WDR41: variants seen among roughly 807,000 people sequenced by gnomAD.
WDR41 encodes WD repeat domain 41.
Under a neutral mutation model 69.3 loss-of-function variants are expected in WDR41, and 63 were observed. That is an observed-to-expected ratio of 0.91 (90% CI 0.74 to 1.12). The LOEUF (loss-of-function observed/expected upper bound fraction) is 1.12. Among genes scored for constraint, WDR41 ranks in the 50% most tolerant of loss-of-function variants. The probability of loss-of-function intolerance (pLI) is 0.00; values close to 1 mark genes in which losing one functional copy is unlikely to be tolerated. For synonymous variants in WDR41, 185 were observed against 192.1 expected (o/e 0.96, Z 0.31); for missense variants, 543 against 534.5 (o/e 1.02, Z -0.16).
chr5:77,535,362 G>A (rs1333701331), intron 1 of WDR41, among the ~76,000 whole-genome samples: 7 of 152,234 alleles, frequency 4.6e-5, no homozygotes, highest in Non-Finnish European at 8.8e-5. Flanking sequence ...CATAAACACC[G>A]AGGTTTAGAA....
intron 2 of WDR41, among the ~76,000 whole-genome samples, chr5:77,485,991 A>C (rs911621821): frequency 1.3e-5 from 2 of 152,234 alleles, no homozygotes; most frequent in African/African-American, 4.8e-5. Context: ...TAAGAAACAA[A>C]AAAAGGATAA....
At chr5:77,480,392 C>G (rs374178697) in intron 2 of WDR41, among the ~76,000 whole-genome samples, 1 of 152,074 alleles carries the variant, frequency 6.6e-6, no homozygotes, top group Non-Finnish European at 1.5e-5. Flanking sequence ...TATTGCGGCA[C>G]TATTCACAAT....
intron 1 of WDR41, among the ~76,000 whole-genome samples, chr5:77,519,823 G>C (rs1802346677): frequency 6.6e-6 from 1 of 150,668 alleles, no homozygotes; most frequent in African/African-American, 2.4e-5. Context: ...ACACAGGAAG[G>C]CTACTAGATT....
chr5:77,459,725 A>C (rs1335369623), intron 4 of WDR41, among the ~76,000 whole-genome samples: 3 of 152,236 alleles, frequency 2.0e-5, no homozygotes, highest in Non-Finnish European at 4.4e-5. Flanking sequence ...CATGTCTGAA[A>C]ACACATTTAC....
intron 2 of WDR41, among the ~76,000 whole-genome samples, chr5:77,468,038 C>A (rs1800381564): frequency 6.6e-6 from 1 of 151,066 alleles, no homozygotes; most frequent in Admixed American, 6.6e-5. Context: ...AAAAAAAACC[C>A]AAGTTGTTAA....
chr5:77,568,028 G>A (rs1304116393), intron 1 of WDR41, among the ~76,000 whole-genome samples: 1 of 151,818 alleles, frequency 6.6e-6, no homozygotes, highest in Non-Finnish European at 1.5e-5. Context: ...CAGCTGAGTT[G>A]AGTCTATATC....
chr5:77,583,774 C>T (rs1374592277), intron 1 of WDR41, among the ~76,000 whole-genome samples: 1 of 152,064 alleles, frequency 6.6e-6, no homozygotes, highest in Non-Finnish European at 1.5e-5. Context: ...GCAAGTATTA[C>T]TCTGATACCA....
chr5:77,519,481 C>T (rs1247716465), intron 1 of WDR41, among the ~76,000 whole-genome samples: 3 of 151,568 alleles, frequency 2.0e-5, no homozygotes, highest in Non-Finnish European at 2.9e-5. Flanking sequence ...TTAATCTACC[C>T]ACTGCTCTAG....
At chr5:77,561,694 G>A (rs1314813855) in intron 1 of WDR41, among the ~76,000 whole-genome samples, 1 of 151,942 alleles carries the variant, frequency 6.6e-6, no homozygotes, top group Non-Finnish European at 1.5e-5. Context: ...GCTAAACTGG[G>A]CAGTTTACAA....
intron 1 of WDR41, among the ~76,000 whole-genome samples, chr5:77,573,981 T>C (rs567841550): frequency 1.6e-4 from 24 of 152,246 alleles, no homozygotes; most frequent in African/African-American, 5.8e-4. Flanking sequence ...GGTAAGAGAC[T>C]TTTTACAACA....
intron 2 of WDR41, among the ~76,000 whole-genome samples, chr5:77,480,918 C>A (rs1318996908): frequency 2.0e-5 from 3 of 151,890 alleles, no homozygotes; most frequent in African/African-American, 7.3e-5. Context: ...CTCAAGTTTC[C>A]ATGGAGGACT....
At chr5:77,571,511 T>A (rs967779654) in intron 1 of WDR41, among the ~76,000 whole-genome samples, 1 of 152,156 alleles carries the variant, frequency 6.6e-6, no homozygotes, top group Non-Finnish European at 1.5e-5. Context: ...TTTTTTCAGG[T>A]TGCTGCACTC....
intron 1 of WDR41, among the ~76,000 whole-genome samples, chr5:77,567,395 T>C (rs1271071170): frequency 1.3e-5 from 2 of 152,088 alleles, no homozygotes; most frequent in Admixed American, 6.6e-5. Context: ...AGATTTGCAC[T>C]CTTGGCTTGT....
At chr5:77,578,513 C>A (rs60869973) in intron 1 of WDR41, among the ~76,000 whole-genome samples, 4,102 of 152,184 alleles carry the variant, frequency 0.027, 164 homozygotes, top group African/African-American at 0.09. Flanking sequence ...CTAGTGAGAG[C>A]AACCAGATGG....
At chr5:77,510,009 C>T (rs1254888522) in intron 1 of WDR41, among the ~76,000 whole-genome samples, 2 of 152,050 alleles carry the variant, frequency 1.3e-5, no homozygotes, top group Non-Finnish European at 2.9e-5. Context: ...GGTTTGGATC[C>T]CCTCCCCCTT....
chr5:77,484,202 C>T (rs1801409400), intron 2 of WDR41, among the ~76,000 whole-genome samples: 1 of 152,184 alleles, frequency 6.6e-6, no homozygotes, highest in South Asian at 2.1e-4. Context: ...CCTGCAACAT[C>T]TTATCCAACT....
At position 77,584,038 on chromosome 5, in the gene WDR41, A is replaced by G. The variant is rs576260203; in HGVS notation, c.42+36441T>C. ...GAATAATCATTTGACAAAATCCAAC[A>G]CCCTTTTATGATAAAGACACTCAAC... On this transcript the variant is annotated intron_variant, in intron 1 of 5. Transcript: ENST00000509971. Among the ~76,000 whole-genome samples the G allele has an allele frequency of 5.9e-5, 9 of 152,270 alleles. No individual in the cohort carries two copies. In the South Asian group the frequency reaches 1.9e-3, roughly 32 times the overall value.
chr5:77,479,005 A>T (rs979333467), intron 2 of WDR41, among the ~76,000 whole-genome samples: 2 of 152,034 alleles, frequency 1.3e-5, no homozygotes, highest in Non-Finnish European at 2.9e-5. Flanking sequence ...AATGTGCAAA[A>T]ATCACAAGCA....
intron 1 of WDR41, among the ~76,000 whole-genome samples, chr5:77,577,062 T>G (rs1371538722): frequency 2.6e-5 from 4 of 152,106 alleles, no homozygotes; most frequent in Non-Finnish European, 1.5e-5. Context: ...AAGACCACGA[T>G]TTTTCTCCTC....
Sources: gnomAD v4.1 joint callset for allele counts (sites outside exome capture counted in the v4.1 genomes callset) on GRCh38, gnomAD v4.1.1 for gene constraint, MANE v1.5 for transcripts, NCBI Gene and HGNC (gene_info 2026-07-23, HGNC 2026-07-21) for gene names.